Variants in PIM3 observed in about 807,000 individuals in gnomAD.
PIM3 encodes the protein Pim-3 proto-oncogene, serine/threonine kinase.
Under a neutral mutation model 27.5 loss-of-function variants are expected in PIM3, and 13 were observed. That is an observed-to-expected ratio of 0.47 (90% CI 0.31 to 0.75). The LOEUF (loss-of-function observed/expected upper bound fraction) is 0.75, where lower values mean the gene tolerates loss of function less well. Ranked by LOEUF, PIM3 falls within the 30% of genes least tolerant of loss-of-function variation. The pLI is 0.05. For synonymous variants in PIM3, 341 were observed against 221.1 expected, an observed-to-expected ratio of 1.54 and a Z score of -4.81; for missense variants, 482 against 476.9, an observed-to-expected ratio of 1.01 and a Z score of -0.10.
At position 49,961,738 on chromosome 22, in the gene PIM3, C is replaced by G. The variant is rs753509803; in HGVS notation, c.543C>G (p.Arg181=). The change falls in exon 4 of 6, where the codon CGC becomes CGG. Residue 181 remains arginine (R), a synonymous_variant. Transcript: ENST00000360612. ...IKDENLLVDL[R]SGELKLIDFG... ...ACGAAAATCTGCTTGTGGACCTGCG[C>G]TCCGGAGAGCTCAAGCTCATCGACT... The G allele has an allele frequency of 8.1e-6, 13 of 1,611,382 alleles. No homozygotes were observed. The African/African-American group carries it at 1.3e-4, about 17-fold the overall frequency.
In PIM3 at chr22:49,961,324, G is replaced by T. The variant is rs757945674; in HGVS notation, c.202G>T (p.Val68Leu). The T allele has an allele frequency of 6.5e-7, 1 of 1,544,176 alleles. No individual in the cohort carries two copies. Among genetic ancestry groups the T allele is most frequent in the South Asian group, 1.2e-5 (1 of 83,904 alleles). ...GACCCCCGCGTCTCCGCAGGTGGCT[G>T]TGAAGCACGTGGTGAAGGAGCGGGT... Reference protein sequence around the residue: ...SRIADGLPVAVKHVVKERVTE... With the variant: ...SRIADGLPVALKHVVKERVTE... Residue 68 changes from valine (V) to leucine (L), a missense_variant, in exon 3 of 6, where the codon GTG (valine) becomes TTG (leucine). Val to Leu is a conservative substitution (Grantham distance 32, BLOSUM62 1). Coordinates refer to ENST00000360612, the MANE Select transcript of PIM3 (RefSeq NM_001001852.4).
rs762038617 is a variant in PIM3 at position 49,963,079 on chromosome 22, C to A, written c.933C>A (p.Leu311=). The A allele has an allele frequency of 3.7e-6, 6 of 1,611,152 alleles. No individual in the cohort carries two copies. Among genetic ancestry groups the A allele is most frequent in the Non-Finnish European group, 5.1e-6 (6 of 1,179,376 alleles). ...GCTGTGACCTGCGGCTGTGCACCCTCGACCCTGATGACGTGGCCAGCACCA... is the reference window on the plus strand; with the variant it reads ...GCTGTGACCTGCGGCTGTGCACCCTAGACCCTGATGACGTGGCCAGCACCA... ...PESCDLRLCT[L]DPDDVASTTS... Residue 311 remains leucine (L), a synonymous_variant, in exon 6 of 6, where the codon CTC becomes CTA. Coordinates refer to ENST00000360612, the MANE Select transcript of PIM3 (RefSeq NM_001001852.4).
At chr22:49,961,891 G>C in intron 4 of PIM3, 80 bp downstream of exon 4, 5 of 1,561,920 alleles carry the variant, frequency 3.2e-6, no homozygotes, top group Non-Finnish European at 4.3e-6. Flanking sequence ...ACATGGAGGG[G>C]CTGATGACTG....
Position 49,961,736 on chromosome 22 carries a change from C to T in PIM3, c.541C>T (p.Arg181Cys). The T allele has an allele frequency of 6.2e-7, 1 of 1,611,300 alleles. No homozygotes were observed. The highest frequency in any genetic ancestry group is 8.5e-7 in the Non-Finnish European group (1 of 1,179,286). The part of the protein sequence containing the change: ...IKDENLLVDL[R>C]SGELKLIDFG... ...GGACGAAAATCTGCTTGTGGACCTG[C>T]GCTCCGGAGAGCTCAAGCTCATCGA... The change falls in exon 4 of 6, where the codon CGC becomes TGC. Residue 181 changes from arginine (R) to cysteine (C), a missense_variant. Physicochemically the swap from Arg to Cys is radical, Grantham distance 180. Coordinates refer to ENST00000360612, the MANE Select transcript of PIM3 (RefSeq NM_001001852.4).
At chr22:49,961,261 G>A in intron 2 of PIM3, 27 bp downstream of exon 2, 2 of 1,538,256 alleles carry the variant, frequency 1.3e-6, no homozygotes, top group Non-Finnish European at 8.7e-7. Flanking sequence ...GGCGGGCCCG[G>A]GTTTCTCGCG....
chr22:49,962,665 G>A (rs201822335), intron 4 of PIM3, 24 bp from the exon 5 acceptor site: 6 of 1,596,558 alleles, frequency 3.8e-6, no homozygotes, highest in South Asian at 1.1e-5. Flanking sequence ...TGTGGTGGGC[G>A]TGCTAAGCCC....
chr22:49,962,300 T>G (rs1000392516), intron 4 of PIM3, among the ~76,000 whole-genome samples: 1 of 151,450 alleles, frequency 6.6e-6, no homozygotes, highest in Non-Finnish European at 1.5e-5. Context: ...TTGCGGAGCT[T>G]GGGGAAGCCG....
At chr22:49,961,087 C>CCCCGGGCCGCACCAA in intron 1 of PIM3, 38 bp from the exon 2 acceptor site, 1 of 1,399,304 alleles carries the variant, frequency 7.1e-7, no homozygotes, top group Non-Finnish European at 9.3e-7. Context: ...ACCGGGGGCG[C>CCCCGGGCCGCACCAA]CCCGGGCCGC....
Position 49,961,422 on chromosome 22 carries a change from C to T in PIM3, c.247-20C>T. On this transcript the variant is annotated intron_variant, in intron 3 of 5. Coordinates refer to ENST00000360612, the MANE Select transcript of PIM3 (RefSeq NM_001001852.4). ...GCGGGGGGCGGGCGCGGGGCTTTTG[C>T]TGACCGCCGTGTCCCCCAGGGCGGC... The T allele has an allele frequency of 7.1e-7, 1 of 1,415,654 alleles. No homozygotes were observed. Among genetic ancestry groups the T allele is most frequent in the Non-Finnish European group, 9.2e-7 (1 of 1,088,602 alleles). 87.7% of individuals were successfully genotyped at this position (1,415,654 alleles called of 1,614,324 possible). A position where few individuals can be genotyped will look rare whatever the true frequency, so the allele number is the denominator to read the frequency against.
At position 49,963,354 on chromosome 22, in the gene PIM3, T is replaced by G. The variant is rs985113047; in HGVS notation, c.*227T>G. Reference sequence around the variant, plus strand: ...GCTCCGGTCGAGGTCCCGCCTGCCCTGGGTGGATACTTGAACCCCAGACGC... The same window carrying G: ...GCTCCGGTCGAGGTCCCGCCTGCCCGGGGTGGATACTTGAACCCCAGACGC... On this transcript the variant is annotated 3_prime_UTR_variant, in exon 6 of 6. Transcript: ENST00000360612. The G allele has an allele frequency of 3.8e-6, 2 of 521,114 alleles. No individual in the cohort carries two copies. The highest frequency in any genetic ancestry group is 3.9e-5 in the African/African-American group (2 of 51,006). The allele number at this position is 521,114 out of a possible 1,614,324, so 32.3% of individuals were successfully genotyped here.
chr22:49,963,135 C>T lies in PIM3; in HGVS notation c.*8C>T. The T allele has an allele frequency of 6.3e-7, 1 of 1,582,270 alleles. No individual in the cohort carries two copies. The highest frequency in any genetic ancestry group is 8.6e-7 in the Non-Finnish European group (1 of 1,163,062). On this transcript the variant is annotated 3_prime_UTR_variant, in exon 6 of 6. Coordinates refer to ENST00000360612, the MANE Select transcript of PIM3 (RefSeq NM_001001852.4). Reference sequence around the variant, plus strand: ...AGCAGCGAGAGCTTGTGAGGAGCTGCACCTGACTGGGAGCTAGGGGACCAC... The same window carrying T: ...AGCAGCGAGAGCTTGTGAGGAGCTGTACCTGACTGGGAGCTAGGGGACCAC...
Position 49,963,047 on chromosome 22 carries a change from C to G in PIM3, c.901C>G (p.Pro301Ala). 6.2e-7 allele frequency: 1 copy of G among 1,612,068 alleles called. No homozygotes were observed. The highest frequency in any genetic ancestry group is 8.5e-7 in the Non-Finnish European group (1 of 1,179,710). Residue 301 changes from proline (P) to alanine (A), a missense_variant, in exon 6 of 6, where the codon CCG (proline) becomes GCG (alanine). Transcript: ENST00000360612. ...GATGCTGGGGGCTGACGGGGGCGTC[C>G]CGGAGAGCTGTGACCTGCGGCTGTG... ...PWMLGADGGVPESCDLRLCTL... is the reference protein window; with the variant it reads ...PWMLGADGGVAESCDLRLCTL...
At chr22:49,961,944 A>T (rs1459118871) in intron 4 of PIM3, 133 bp downstream of exon 4, 2 of 1,340,714 alleles carry the variant, frequency 1.5e-6, no homozygotes, top group Non-Finnish European at 2.0e-6. Flanking sequence ...TGGGGAGCAG[A>T]GGCCCACGCG....
At position 49,961,597 on chromosome 22, in the gene PIM3, C is replaced by G. The variant is rs1348063082; in HGVS notation, c.402C>G (p.Asp134Glu). The G allele has an allele frequency of 3.2e-6, 5 of 1,549,238 alleles. No individual in the cohort carries two copies. The East Asian group carries it at 7.3e-5, about 23-fold the overall frequency. ...ERPEPAQDLF[D>E]FITERGALDE... is the part of the protein sequence containing the mutation. ...CCGAGCCGGCGCAGGACCTCTTCGACTTTATCACGGAGCGCGGCGCCCTGG... is the reference window on the plus strand; with the variant it reads ...CCGAGCCGGCGCAGGACCTCTTCGAGTTTATCACGGAGCGCGGCGCCCTGG... Residue 134 changes from aspartate to glutamate, a missense_variant, in exon 4 of 6, where the codon GAC (aspartate) becomes GAG (glutamate). Coordinates refer to ENST00000360612, the MANE Select transcript of PIM3 (RefSeq NM_001001852.4).
chr22:49,964,027 C>G lies in PIM3; in HGVS notation c.*900C>G, dbSNP rs2060924305. 1 of 152,320 alleles carries G rather than the reference C, an allele frequency of 6.6e-6. No homozygotes were observed. Among genetic ancestry groups the G allele is most frequent in the African/African-American group, 2.4e-5 (1 of 41,424 alleles). The allele number at this position is 152,320 out of a possible 1,614,324, so 9.4% of individuals were successfully genotyped here. A position where few individuals can be genotyped will look rare whatever the true frequency, so the allele number is the denominator to read the frequency against. ...GTTCAAAAGTGAGATGTCTGGAGAT[C>G]ATATTTTTTTATACAGGTATTTCAA... On this transcript the variant is annotated 3_prime_UTR_variant, in exon 6 of 6. Coordinates refer to ENST00000360612, the MANE Select transcript of PIM3 (RefSeq NM_001001852.4).
intron 4 of PIM3, among the ~76,000 whole-genome samples, 184 bp from the exon 5 acceptor site, chr22:49,962,505 G>T (rs1000706067): frequency 3.4e-4 from 52 of 151,818 alleles, no homozygotes; most frequent in African/African-American, 1.3e-3. Context: ...GGAGGGGGAC[G>T]GCCGGCCCCT....
intron 2 of PIM3, 39 bp from the exon 3 acceptor site, chr22:49,961,279 C>T (rs779807104): frequency 2.1e-5 from 33 of 1,539,820 alleles, no homozygotes; most frequent in Admixed American, 4.1e-5. Context: ...GCGCGCCTTG[C>T]GCCTCGCTTG....
In PIM3 at chr22:49,961,183, C is replaced by T. The variant is rs368338754; in HGVS notation, c.144C>T (p.Ser48=). The change falls in exon 2 of 6, where the codon AGC becomes AGT. Residue 48 remains serine (S), a synonymous_variant. Transcript: ENST00000360612. The part of the protein sequence containing the change: ...KAYQVGAVLG[S]GGFGTVYAGS... ...ACCAGGTGGGCGCCGTGCTGGGTAGCGGCGGCTTCGGCACGGTCTACGCGG... is the reference window on the plus strand; with the variant it reads ...ACCAGGTGGGCGCCGTGCTGGGTAGTGGCGGCTTCGGCACGGTCTACGCGG... 3.2e-5 allele frequency: 49 copies of T among 1,534,046 alleles called. No homozygotes were observed. Among genetic ancestry groups the T allele is most frequent in the Non-Finnish European group, 4.2e-5 (48 of 1,144,332 alleles).
At chr22:49,961,068 A>G (rs1438144077) in intron 1 of PIM3, 36 bp downstream of exon 1, 14 of 1,361,600 alleles carry the variant, frequency 1.0e-5, no homozygotes, top group East Asian at 3.3e-5. Flanking sequence ...GGCCGGGGCC[A>G]GGGCGGGGAC....
Sources: allele counts gnomAD v4.1 joint callset (sites outside exome capture counted in the v4.1 genomes callset), GRCh38; gene constraint gnomAD v4.1.1; transcripts MANE v1.5; gene names NCBI Gene and HGNC (gene_info 2026-07-23, HGNC 2026-07-21).